FBXL2: variants seen among roughly 807,000 people sequenced by gnomAD.
The protein encoded by FBXL2 is F-box and leucine rich repeat protein 2.
In FBXL2, 38 loss-of-function variants were observed where a neutral mutation model predicts 69.2. The observed-to-expected ratio is 0.55, with a 90% CI of 0.42 to 0.72. FBXL2 has a LOEUF of 0.72. Among genes scored for constraint, FBXL2 ranks in the 30% least tolerant of loss-of-function variants. The pLI is 0.00. For missense variants in FBXL2, 354 were observed against 520.3 expected, an observed-to-expected ratio of 0.68 and a Z score of 3.11; for synonymous variants, 192 against 201.3, an observed-to-expected ratio of 0.95 and a Z score of 0.39.
intron 12 of FBXL2, among the ~76,000 whole-genome samples, chr3:33,395,061 C>A (rs2154054881): frequency 6.6e-6 from 1 of 152,230 alleles, no homozygotes; most frequent in African/African-American, 2.4e-5. Context: ...AATACACCTT[C>A]CAAAATATTA....
intron 2 of FBXL2, among the ~76,000 whole-genome samples, chr3:33,317,831 T>C (rs1310765476): frequency 6.6e-6 from 1 of 152,138 alleles, no homozygotes; most frequent in African/African-American, 2.4e-5. Context: ...TCTGAAATGC[T>C]CCAAAATCTG....
chr3:33,401,162 G>T, intron 12 of FBXL2: 1 of 654,852 alleles, frequency 1.5e-6, no homozygotes, highest in East Asian at 3.2e-5. Flanking sequence ...GCAACAAAAT[G>T]CAAGCGCAAC....
Position 33,385,871 on chromosome 3 carries a change from G to C in FBXL2, c.*263G>C, listed in dbSNP as rs2043398165. 2.1e-6 allele frequency: 1 copy of C among 481,816 alleles called. No individual in the cohort carries two copies. The highest frequency in any genetic ancestry group is 2.0e-5 in the African/African-American group (1 of 51,048). The allele number at this position is 481,816 out of a possible 1,614,324, so 29.8% of individuals were successfully genotyped here. A position where few individuals can be genotyped will look rare whatever the true frequency, so the allele number is the denominator to read the frequency against. ...CAGCTAGGACCATGCCAGAAACCTG[G>C]ATCTCTTAAGAGATTGGTACCTACC... is the stretch of plus-strand genomic sequence containing the variant. On this transcript the variant is annotated 3_prime_UTR_variant, in exon 15 of 15. Coordinates refer to ENST00000484457, the MANE Select transcript of FBXL2 (RefSeq NM_012157.5).
chr3:33,399,443 T>C (rs920051381), intron 12 of FBXL2, among the ~76,000 whole-genome samples: 1 of 152,178 alleles, frequency 6.6e-6, no homozygotes, highest in Non-Finnish European at 1.5e-5. Context: ...AAAACTGTAA[T>C]TGAGTACACT....
chr3:33,412,926 C>T, the FBXL2 span: 1 of 749,922 alleles, frequency 1.3e-6, no homozygotes, highest in Non-Finnish European at 2.4e-6. Context: ...CAGTAGAACA[C>T]ATACAACTAG....
chr3:33,384,292 G>A, intron 14 of FBXL2, 91 bp downstream of exon 14: 2 of 1,275,758 alleles, frequency 1.6e-6, no homozygotes, highest in Admixed American at 4.0e-5. Context: ...GGCACGCGGT[G>A]GCTCACGCCT....
chr3:33,399,735 G>A (rs1213591006), intron 12 of FBXL2, among the ~76,000 whole-genome samples: 2 of 152,106 alleles, frequency 1.3e-5, no homozygotes, highest in Non-Finnish European at 2.9e-5. Flanking sequence ...TAATTGTGGT[G>A]GTGGTTACAA....
At chr3:33,279,954 G>A (rs1362918356) in intron 1 of FBXL2, among the ~76,000 whole-genome samples, 1 of 152,070 alleles carries the variant, frequency 6.6e-6, no homozygotes, top group Admixed American at 6.6e-5. Context: ...ACCTGTTTAT[G>A]GATTGTACTG....
chr3:33,360,230 G>A (rs1335699399), intron 4 of FBXL2, among the ~76,000 whole-genome samples: 1 of 151,630 alleles, frequency 6.6e-6, no homozygotes, highest in Non-Finnish European at 1.5e-5. Context: ...TTTTTTGTTT[G>A]TTTTGGATAA....
intron 2 of FBXL2, among the ~76,000 whole-genome samples, chr3:33,338,028 C>T (rs1054430919): frequency 2.6e-5 from 4 of 152,258 alleles, no homozygotes; most frequent in Non-Finnish European, 5.9e-5. Context: ...TTAAAATGGC[C>T]ATACTATCCA....
chr3:33,383,830 C>T, intron 13 of FBXL2, 159 bp from the exon 14 acceptor site: 2 of 627,088 alleles, frequency 3.2e-6, no homozygotes, highest in East Asian at 2.8e-5. Flanking sequence ...TCTCATAGTT[C>T]TGAAGGCTGG....
At chr3:33,311,626 T>G (rs2037203631) in intron 2 of FBXL2, among the ~76,000 whole-genome samples, 1 of 152,082 alleles carries the variant, frequency 6.6e-6, no homozygotes, top group Non-Finnish European at 1.5e-5. Context: ...GGAATTTGTT[T>G]GGCTCTTTTT....
At chr3:33,368,629 C>T (rs1045874776) in intron 5 of FBXL2, among the ~76,000 whole-genome samples, 1 of 151,686 alleles carries the variant, frequency 6.6e-6, no homozygotes, top group African/African-American at 2.4e-5. Flanking sequence ...GAGTCTTGCT[C>T]TGTCGCCCAG....
intron 5 of FBXL2, among the ~76,000 whole-genome samples, chr3:33,365,616 A>G (rs967765194): frequency 1.3e-5 from 2 of 152,098 alleles, no homozygotes; most frequent in Non-Finnish European, 2.9e-5. Context: ...GGCCAGGCAC[A>G]GTGGCTCATG....
chr3:33,329,855 A>T (rs1291316945), intron 2 of FBXL2, among the ~76,000 whole-genome samples: 1 of 152,132 alleles, frequency 6.6e-6, no homozygotes, highest in East Asian at 1.9e-4. Context: ...TGAGCCAGGC[A>T]TGGTGGCTAC....
chr3:33,341,825 G>T (rs750102759), intron 2 of FBXL2, among the ~76,000 whole-genome samples: 2 of 65,846 alleles, frequency 3.0e-5, no homozygotes, highest in Non-Finnish European at 5.2e-5. Flanking sequence ...GCAAGACTCC[G>T]TCTCAGGAAA....
chr3:33,358,929 C>T lies in FBXL2; in HGVS notation c.66-38C>T, dbSNP rs746638028. ...AGTTATAATTATCCTGAAATGTTAA[C>T]ACCATCTCGTTTTTGTGTTTTTTTC... On this transcript the variant is annotated intron_variant, in intron 2 of 14. Transcript: ENST00000484457. The T allele has an allele frequency of 3.1e-6, 4 of 1,302,512 alleles. No homozygotes were observed. In the African/African-American group the frequency reaches 4.5e-5, roughly 15 times the overall value. The allele number at this position is 1,302,512 out of a possible 1,614,324, so 80.7% of individuals were successfully genotyped here.
intron 13 of FBXL2, 51 bp from the exon 14 acceptor site, chr3:33,383,938 A>G (rs750006981): frequency 3.8e-6 from 6 of 1,574,798 alleles, no homozygotes; most frequent in South Asian, 1.1e-5. Context: ...TTAGGACTTG[A>G]GCCTTGGAAT....
At chr3:33,397,382 G>C (rs2044042184) in intron 12 of FBXL2, 2 of 340,346 alleles carry the variant, frequency 5.9e-6, no homozygotes, top group Non-Finnish European at 1.1e-5. Flanking sequence ...TCAAATCAAT[G>C]AGAGCAGGGC....
Sources: allele counts gnomAD v4.1 joint callset (sites outside exome capture counted in the v4.1 genomes callset), GRCh38; gene constraint gnomAD v4.1.1; transcripts MANE v1.5; gene names NCBI Gene and HGNC (gene_info 2026-07-23, HGNC 2026-07-21).